Variants in TTLL9 observed in about 807,000 individuals in gnomAD.
The protein encoded by TTLL9 is tubulin tyrosine ligase like 9.
TTLL9 carries 47 observed loss-of-function variants against 65.6 expected under a neutral mutation model. That is an observed-to-expected ratio of 0.72 (90% CI 0.57 to 0.91). The LOEUF is 0.91. Among genes scored for constraint, TTLL9 ranks in the 40% least tolerant of loss-of-function variants. TTLL9 has a pLI of 0.00. For missense variants in TTLL9, 537 were observed against 568.8 expected, an observed-to-expected ratio of 0.94 and a Z score of 0.57; for synonymous variants, 179 against 204.8, an observed-to-expected ratio of 0.87 and a Z score of 1.07.
chr20:31,928,438 A>G (rs1483352335), intron 10 of TTLL9, among the ~76,000 whole-genome samples: 2 of 151,908 alleles, frequency 1.3e-5, no homozygotes, highest in Non-Finnish European at 2.9e-5. Flanking sequence ...GATATTACAT[A>G]CTAACTTTTA....
intron 7 of TTLL9, among the ~76,000 whole-genome samples, chr20:31,922,264 CA>C (rs35848180): frequency 0.073 from 9,621 of 132,058 alleles, 437 homozygotes; most frequent in African/African-American, 0.15. Context: ...GACTCATTCT[CA>C]AAAAAAAAAA....
intron 2 of TTLL9, among the ~76,000 whole-genome samples, chr20:31,880,852 CTTTTTTTTT>C (rs35047352): frequency 3.7e-5 from 4 of 108,258 alleles, no homozygotes; most frequent in South Asian, 6.2e-4. Context: ...TCTTTCTTTC[CTTTTTTTTT>C]TTTTTTTTTT....
intron 3 of TTLL9, among the ~76,000 whole-genome samples, chr20:31,897,586 G>A (rs2063405402): frequency 1.3e-5 from 2 of 152,226 alleles, no homozygotes; most frequent in Middle Eastern, 3.4e-3. Flanking sequence ...CTTCATTACG[G>A]CCAGACTGGG....
rs201640836 is a variant in TTLL9, at chr20:31,909,773, C to T, written c.355C>T (p.Arg119Trp). The change falls in exon 6 of 15, where the codon CGG becomes TGG. Residue 119 changes from arginine (R) to tryptophan (W), a missense_variant. This residue lies in a region of TTLL9 where 320 missense variants were observed against 311.0 expected (regional missense o/e 1.03). Transcript: ENST00000535842. ...GAACTACATGGTGAAGAACCTGAAGCGGTTCCGGAAGCAGCTGGAGCGTGA... is the reference window on the plus strand; with the variant it reads ...GAACTACATGGTGAAGAACCTGAAGTGGTTCCGGAAGCAGCTGGAGCGTGA... ...RKNYMVKNLK[R>W]FRKQLEREAG... 1.4e-4 allele frequency: 219 copies of T among 1,614,074 alleles called. No individual in the cohort carries two copies. The African/African-American group carries it at 2.5e-3, about 19-fold the overall frequency.
intron 2 of TTLL9, among the ~76,000 whole-genome samples, chr20:31,880,709 G>A (rs1259805354): frequency 1.3e-5 from 2 of 151,934 alleles, no homozygotes; most frequent in Non-Finnish European, 2.9e-5. Context: ...GCCAGGTCTC[G>A]ATCTCTTGAC....
intron 2 of TTLL9, among the ~76,000 whole-genome samples, chr20:31,873,844 G>A (rs778046270): frequency 7.2e-6 from 1 of 138,736 alleles, no homozygotes. Context: ...AAGAAAGAAA[G>A]AAAGAAAGAA....
At position 31,870,936 on chromosome 20, in the gene TTLL9, T is replaced by A; in HGVS notation, c.-19T>A. ...GGGCTCTCTGCTCTTCAGAGTCTGCTTGGAACGGGATAAGTGGGTAATTCC... is the reference window on the plus strand; with the variant it reads ...GGGCTCTCTGCTCTTCAGAGTCTGCATGGAACGGGATAAGTGGGTAATTCC... On this transcript the variant is annotated 5_prime_UTR_variant, in exon 1 of 15. In the 5' UTR this introduces an upstream ATG that the reference lacks. Coordinates refer to ENST00000535842, the MANE Select transcript of TTLL9 (RefSeq NM_001008409.5). This position sits in a 1 kb window ranked among gnomAD's most constrained non-coding sequence, Gnocchi z 6.6. 1 of 640,256 alleles carries A rather than the reference T, an allele frequency of 1.6e-6. No individual in the cohort carries two copies. The highest frequency in any genetic ancestry group is 2.8e-6 in the Non-Finnish European group (1 of 354,404). 39.7% of individuals were successfully genotyped at this position (640,256 alleles called of 1,614,324 possible).
At chr20:31,883,389 G>T (rs1297214173) in intron 2 of TTLL9, among the ~76,000 whole-genome samples, 1 of 152,008 alleles carries the variant, frequency 6.6e-6, no homozygotes, top group Non-Finnish European at 1.5e-5. Flanking sequence ...GTAGAGACAG[G>T]ATTTCACCAT....
chr20:31,871,353 C>T (rs2062928965), intron 2 of TTLL9, among the ~76,000 whole-genome samples, 158 bp downstream of exon 2: 1 of 152,142 alleles, frequency 6.6e-6, no homozygotes, highest in African/African-American at 2.4e-5. Flanking sequence ...TGGGAAAGTC[C>T]CCGTGACCCC....
At chr20:31,887,282 T>A in intron 3 of TTLL9, 43 bp downstream of exon 3, 1 of 1,603,548 alleles carries the variant, frequency 6.2e-7, no homozygotes, top group Non-Finnish European at 8.5e-7. Flanking sequence ...CGCAACCAAC[T>A]TCTCTCCCTC....
At chr20:31,880,690 A>G (rs890895989) in intron 2 of TTLL9, among the ~76,000 whole-genome samples, 6 of 151,854 alleles carry the variant, frequency 4.0e-5, no homozygotes, top group African/African-American at 1.5e-4. Context: ...ACAGGGTTTC[A>G]CTATGTTGGC....
At chr20:31,937,272 G>A (rs1379782757) in intron 12 of TTLL9, 124 bp from the exon 13 acceptor site, 1 of 627,066 alleles carries the variant, frequency 1.6e-6, no homozygotes, top group East Asian at 2.9e-5. Context: ...AAATAGAAAG[G>A]TAGAGAGAGT....
rs199589961 is a variant in TTLL9, at chr20:31,892,182, C to CT, written c.113+4958dup. On this transcript the variant is annotated intron_variant, in intron 3 of 14. Transcript: ENST00000535842. Reference sequence around the variant, plus strand: ...CTCATTACATGGTAGCATAAACTTTCTTTTTTTTTTTTTTTGAGACAGGGT... The same window carrying CT: ...CTCATTACATGGTAGCATAAACTTTCTTTTTTTTTTTTTTTTGAGACAGGGT... 2.7e-3 allele frequency among the ~76,000 whole-genome samples: 342 copies of CT among 125,324 alleles called. 2 individuals carry two copies. Among genetic ancestry groups the CT allele is most frequent in the Middle Eastern group, 5.0e-3 (1 of 200 alleles). The allele number at this position is 125,324 out of a possible 152,430, so 82.2% of individuals were successfully genotyped here. A position where few individuals can be genotyped will look rare whatever the true frequency, so the allele number is the denominator to read the frequency against.
intron 10 of TTLL9, among the ~76,000 whole-genome samples, chr20:31,931,083 T>TC (rs1045898195): frequency 6.7e-6 from 1 of 150,288 alleles, no homozygotes; most frequent in African/African-American, 2.4e-5. Context: ...TTTTCCTTTT[T>TC]TTTTTTTTTT....
At chr20:31,902,352 A>G (rs1275278996) in intron 4 of TTLL9, among the ~76,000 whole-genome samples, 2 of 152,076 alleles carry the variant, frequency 1.3e-5, no homozygotes, top group African/African-American at 4.8e-5. Flanking sequence ...AGGCTCATCC[A>G]TGTAGCAGTA....
intron 10 of TTLL9, among the ~76,000 whole-genome samples, chr20:31,933,574 T>TG (rs947393669): frequency 3.3e-5 from 5 of 152,078 alleles, no homozygotes; most frequent in African/African-American, 1.2e-4. Flanking sequence ...CATTAAAAGG[T>TG]GGGGAAATAG....
chr20:31,887,039 G>A (rs41287078), intron 2 of TTLL9, among the ~76,000 whole-genome samples, 157 bp from the exon 3 acceptor site: 1,692 of 152,306 alleles, frequency 0.011, 14 homozygotes, highest in Non-Finnish European at 0.02. Flanking sequence ...GGACATGGTG[G>A]CCAGTGGGAA....
chr20:31,894,022 G>A (rs768109220), intron 3 of TTLL9, among the ~76,000 whole-genome samples: 6 of 149,956 alleles, frequency 4.0e-5, no homozygotes, highest in Non-Finnish European at 8.9e-5. Context: ...TCAATGCCTA[G>A]TCTCTTGTTA....
chr20:31,875,481 T>C (rs2063025718), intron 2 of TTLL9, among the ~76,000 whole-genome samples: 1 of 152,138 alleles, frequency 6.6e-6, no homozygotes, highest in Non-Finnish European at 1.5e-5. Flanking sequence ...ACTCCACTCT[T>C]TCCTAGTTAC....
Sources: allele counts gnomAD v4.1 joint callset (sites outside exome capture counted in the v4.1 genomes callset), GRCh38; gene constraint gnomAD v4.1.1; regional missense constraint gnomAD v4.1.1; non-coding constraint Gnocchi (gnomAD v3.1); transcripts MANE v1.5; gene names NCBI Gene and HGNC (gene_info 2026-07-23, HGNC 2026-07-21).